ADAMTS14: variants seen among roughly 807,000 people sequenced by gnomAD.
ADAMTS14 encodes the protein A disintegrin and metalloproteinase with thrombospondin motifs 14.
ADAMTS14 carries 100 observed loss-of-function variants against 128.6 expected under a neutral mutation model. That is an observed-to-expected ratio of 0.78 (90% CI 0.66 to 0.92). The LOEUF (loss-of-function observed/expected upper bound fraction) is 0.92, where lower values mean the gene tolerates loss of function less well. Ranked by LOEUF, ADAMTS14 falls within the 40% of genes least tolerant of loss-of-function variation. The pLI is 0.00. For missense variants in ADAMTS14, 1,562 were observed against 1,658.6 expected (o/e 0.94, Z 1.01); for synonymous variants, 665 against 653.8 (o/e 1.02, Z -0.26).
chr10:70,714,283 C>T (rs1057435540), intron 4 of ADAMTS14, among the ~76,000 whole-genome samples: 3 of 152,234 alleles, frequency 2.0e-5, no homozygotes, highest in South Asian at 2.1e-4. Context: ...GACTCGACCT[C>T]ATTTATTTAA....
chr10:70,760,122 G>A (rs1564564410), intron 21 of ADAMTS14, among the ~76,000 whole-genome samples: 1 of 152,296 alleles, frequency 6.6e-6, no homozygotes, highest in South Asian at 2.1e-4. Context: ...TGCTGCGTGT[G>A]GGGACATCAC....
At chr10:70,757,876 G>C (rs1373815123) in intron 19 of ADAMTS14, 86 bp from the exon 20 acceptor site, 4 of 1,503,552 alleles carry the variant, frequency 2.7e-6, no homozygotes, top group Admixed American at 2.2e-5. Flanking sequence ...GGCACTGGCT[G>C]GGCTCTGAGC....
chr10:70,711,860 T>A (rs2132622384), intron 4 of ADAMTS14, among the ~76,000 whole-genome samples: 1 of 152,212 alleles, frequency 6.6e-6, no homozygotes, highest in Admixed American at 6.5e-5. Context: ...CAGAGTTCTG[T>A]CTGCAGTGTC....
intron 2 of ADAMTS14, among the ~76,000 whole-genome samples, chr10:70,691,212 G>T (rs2132565003): frequency 6.9e-6 from 1 of 144,266 alleles, no homozygotes; most frequent in East Asian, 2.0e-4. Flanking sequence ...TCAAGCTTTT[G>T]GCTGGGCACG....
At chr10:70,716,199 T>C (rs1334815109) in intron 4 of ADAMTS14, among the ~76,000 whole-genome samples, 1 of 152,152 alleles carries the variant, frequency 6.6e-6, no homozygotes, top group African/African-American at 2.4e-5. Flanking sequence ...AGTAATGATC[T>C]TCCCAGAGGT....
intron 4 of ADAMTS14, among the ~76,000 whole-genome samples, chr10:70,709,452 AT>A (rs78626216): frequency 0.16 from 23,743 of 147,004 alleles, 2,516 homozygotes; most frequent in East Asian, 0.57. Flanking sequence ...AAAAAATTTC[AT>A]TATGGAAAAT....
chr10:70,722,878 T>A (rs1261109095), intron 4 of ADAMTS14, among the ~76,000 whole-genome samples: 1 of 152,206 alleles, frequency 6.6e-6, no homozygotes, highest in Non-Finnish European at 1.5e-5. Context: ...AGTTTATTCA[T>A]GTAGAGACTC....
chr10:70,685,167 T>A (rs1839919312), intron 2 of ADAMTS14, among the ~76,000 whole-genome samples: 1 of 152,162 alleles, frequency 6.6e-6, no homozygotes, highest in Non-Finnish European at 1.5e-5. Context: ...TCCATGTGCC[T>A]TCCAGCCCCA....
At chr10:70,702,965 A>G (rs182328408) in intron 3 of ADAMTS14, among the ~76,000 whole-genome samples, 1 of 152,204 alleles carries the variant, frequency 6.6e-6, no homozygotes, top group East Asian at 1.9e-4. Flanking sequence ...GTTACCTAAG[A>G]TTTCTGAGCC....
At chr10:70,742,112 G>A (rs1842017974) in intron 12 of ADAMTS14, among the ~76,000 whole-genome samples, 1 of 152,184 alleles carries the variant, frequency 6.6e-6, no homozygotes, top group African/African-American at 2.4e-5. Flanking sequence ...GCCTGTCATT[G>A]CCAGATTCTT....
chr10:70,750,030 GT>G, intron 16 of ADAMTS14, 45 bp downstream of exon 16: 10 of 1,602,318 alleles, frequency 6.2e-6, no homozygotes, highest in Non-Finnish European at 8.5e-6. Flanking sequence ...CACCCCACTT[GT>G]CCCCTTAGCT....
intron 2 of ADAMTS14, among the ~76,000 whole-genome samples, chr10:70,683,810 C>T (rs1839881662): frequency 6.6e-6 from 1 of 152,148 alleles, no homozygotes; most frequent in South Asian, 2.1e-4. Context: ...ATGGTGCTGG[C>T]TGTAGGCCGC....
intron 15 of ADAMTS14, among the ~76,000 whole-genome samples, chr10:70,748,477 C>T (rs1002041073): frequency 1.3e-5 from 2 of 152,166 alleles, no homozygotes; most frequent in Admixed American, 6.5e-5. Context: ...GGCATCTCTC[C>T]AGCAGCCTCC....
Position 70,674,803 on chromosome 10 carries a change from C to A in ADAMTS14, c.330C>A (p.Val110=), listed in dbSNP as rs1451490770. 6.2e-7 allele frequency: 1 copy of A among 1,613,812 alleles called. No individual in the cohort carries two copies. Among genetic ancestry groups the A allele is most frequent in the South Asian group, 1.1e-5 (1 of 91,074 alleles). The change falls in exon 2 of 22, where the codon GTC becomes GTA. Residue 110 remains valine, a synonymous_variant. Transcript: ENST00000373207. Reference sequence around the variant, plus strand: ...GGCGCCACTCCCTCTACTTCAATGTCACTGTTTTCGGGAAGGAACTGCACT... The same window carrying A: ...GGCGCCACTCCCTCTACTTCAATGTAACTGTTTTCGGGAAGGAACTGCACT... ...RVGRHSLYFN[V]TVFGKELHLR...
chr10:70,735,112 G>A, intron 8 of ADAMTS14, 57 bp from the exon 9 acceptor site: 2 of 1,575,584 alleles, frequency 1.3e-6, no homozygotes, highest in Non-Finnish European at 8.6e-7. Flanking sequence ...CCTGGGAAGG[G>A]AAAGCCTGGG....
intron 1 of ADAMTS14, 38 bp from the exon 2 acceptor site, chr10:70,674,518 C>A: frequency 6.3e-7 from 1 of 1,581,450 alleles, no homozygotes; most frequent in South Asian, 1.2e-5. Context: ...ACCTCTGAAC[C>A]GACTGCATTG....
At chr10:70,698,375 C>T (rs555381669) in intron 2 of ADAMTS14, among the ~76,000 whole-genome samples, 2 of 152,366 alleles carry the variant, frequency 1.3e-5, no homozygotes, top group African/African-American at 2.4e-5. Context: ...AAAGTGCTCA[C>T]TGCCAGCCAG....
rs1167043131 is a variant in ADAMTS14 at position 70,672,878 on chromosome 10, AC to A, written c.80del (p.Pro27GlnfsTer14). The A allele has an allele frequency of 6.7e-7, 1 of 1,490,720 alleles. No individual in the cohort carries two copies. 92.3% of individuals were successfully genotyped at this position (1,490,720 alleles called of 1,614,324 possible). ...GCTCTGCGCCGCCGCGGGCAGCCGG[AC>A]CCCAGGTGCGTGCGGGTTGGGCGCG... ...CALCAAAGSR[T>X]PELHLSGKLS... On this transcript the variant is annotated frameshift_variant, in exon 1 of 22. Coordinates refer to ENST00000373207, the MANE Select transcript of ADAMTS14 (RefSeq NM_080722.4). LOFTEE classifies it high-confidence loss of function.
rs150199494 is a variant in ADAMTS14, at chr10:70,674,969, G to A, written c.496G>A (p.Val166Ile). 12 of 1,612,876 alleles carry A rather than the reference G, an allele frequency of 7.4e-6. No individual in the cohort carries two copies. In the African/African-American group the frequency reaches 1.6e-4, roughly 21 times the overall value. The change falls in exon 2 of 22, where the codon GTT becomes ATT. Residue 166 changes from valine (V) to isoleucine (I), a missense_variant. Physicochemically the swap from Val to Ile is conservative, Grantham distance 29 (BLOSUM62 3). Transcript: ENST00000373207. ...GGVTGMPGAA[V>I]AISNCDGLAG... The stretch of plus-strand genomic sequence containing the variant: ...TGTCACTGGAATGCCTGGGGCAGCT[G>A]TTGCCATCAGCAACTGTGACGGATT...
Sources: allele counts gnomAD v4.1 joint callset (sites outside exome capture counted in the v4.1 genomes callset), GRCh38; gene constraint gnomAD v4.1.1; transcripts MANE v1.5; gene names NCBI Gene and HGNC (gene_info 2026-07-23, HGNC 2026-07-21).